TRIO: variants seen among roughly 807,000 people sequenced by gnomAD.
TRIO encodes triple functional domain protein.
In TRIO, 58 loss-of-function variants were observed where a neutral mutation model predicts 351.9. That is an observed-to-expected ratio of 0.16 (90% CI 0.13 to 0.21). The LOEUF (loss-of-function observed/expected upper bound fraction) is 0.21, where lower values mean the gene tolerates loss of function less well. Among genes scored for constraint, TRIO ranks in the 10% least tolerant of loss-of-function variants. TRIO has a pLI of 1.00. For missense variants in TRIO, 3,201 were observed against 4,027.8 expected (o/e 0.79, Z 5.56); for synonymous variants, 1,758 against 1,595.7 (o/e 1.10, Z -2.42).
intron 9 of TRIO, among the ~76,000 whole-genome samples, chr5:14,330,417 C>G (rs1211220383): frequency 6.6e-6 from 1 of 152,202 alleles, no homozygotes; most frequent in Non-Finnish European, 1.5e-5. Flanking sequence ...TAAATTGGCC[C>G]TGTGTGACTT....
chr5:14,316,825 C>A (rs1739420459), intron 9 of TRIO, 82 bp downstream of exon 9: 3 of 1,423,092 alleles, frequency 2.1e-6, no homozygotes, highest in South Asian at 2.6e-5. Context: ...TTGGGAAGAT[C>A]TGTGCTTAAG....
intron 9 of TRIO, among the ~76,000 whole-genome samples, chr5:14,321,362 C>G (rs2152309534): frequency 6.6e-6 from 1 of 152,354 alleles, no homozygotes; most frequent in South Asian, 2.1e-4. Flanking sequence ...ACGTGGCCCC[C>G]ACGATGAGGG....
chr5:14,223,070 A>C (rs1163249466), intron 1 of TRIO, among the ~76,000 whole-genome samples: 2 of 152,178 alleles, frequency 1.3e-5, no homozygotes, highest in Non-Finnish European at 2.9e-5. Flanking sequence ...TGCAGCTGAC[A>C]CAGAGGCAGG....
rs1341562189 is a variant in TRIO, at chr5:14,364,765, A to G, written c.2703A>G (p.Lys901=). ...ELDLAAEQHR[K]HLEQCVQLRH... ...ATTTAGCCGCAGAGCAGCATCGGAAACACCTGGAGCAGTGCGTGCAGCTGC... is the reference window on the plus strand; with the variant it reads ...ATTTAGCCGCAGAGCAGCATCGGAAGCACCTGGAGCAGTGCGTGCAGCTGC... The change falls in exon 15 of 57, where the codon AAA becomes AAG. Residue 901 remains lysine, a synonymous_variant. Transcript: ENST00000344204. 6.2e-7 allele frequency: 1 copy of G among 1,612,406 alleles called. No individual in the cohort carries two copies.
chr5:14,387,845 A>G lies in TRIO; in HGVS notation c.3879A>G (p.Lys1293=). 6.2e-7 allele frequency: 1 copy of G among 1,613,804 alleles called. No individual in the cohort carries two copies. The change falls in exon 23 of 57, where the codon AAA becomes AAG. Residue 1293 remains lysine (K), a splice_region_variant and synonymous_variant. Coordinates refer to ENST00000344204, the MANE Select transcript of TRIO (RefSeq NM_007118.4). ...AGAAGCGGAAATCTGCCCGCAGGAA[A>G]GAGTAAGCCAGTCTTTCAGAATCTA... ...NEEKRKSARR[K]EFIMAELIQT...
rs199516802 is a variant in TRIO at position 14,481,315 on chromosome 5, A to G, written c.6387+31A>G. 1.3e-3 allele frequency: 2,103 copies of G among 1,611,144 alleles called. 44 individuals carry two copies. The South Asian group carries it at 0.022, about 17-fold the overall frequency. On this transcript the variant is annotated intron_variant, in intron 44 of 56. Coordinates refer to ENST00000344204, the MANE Select transcript of TRIO (RefSeq NM_007118.4). ...TGCATCAGCGGCTGTGGGCACCCAAATCCCCACCAGCCTCTTTTCCTAATC... is the reference window on the plus strand; with the variant it reads ...TGCATCAGCGGCTGTGGGCACCCAAGTCCCCACCAGCCTCTTTTCCTAATC...
intron 10 of TRIO, among the ~76,000 whole-genome samples, chr5:14,332,620 A>G (rs893533388): frequency 1.3e-5 from 2 of 152,238 alleles, no homozygotes; most frequent in Non-Finnish European, 2.9e-5. Flanking sequence ...TTTGCTATCA[A>G]GCATTTTCTT....
At chr5:14,200,685 A>G (rs951682704) in intron 1 of TRIO, among the ~76,000 whole-genome samples, 8 of 152,348 alleles carry the variant, frequency 5.3e-5, no homozygotes, top group Non-Finnish European at 1.2e-4. Context: ...ATATAAGTGC[A>G]GTAAGGGAGG....
intron 2 of TRIO, among the ~76,000 whole-genome samples, chr5:14,271,671 G>T (rs747120034): frequency 6.6e-6 from 1 of 152,212 alleles, no homozygotes; most frequent in Non-Finnish European, 1.5e-5. Flanking sequence ...GCTCTATCAG[G>T]AAGTACATCT....
chr5:14,331,051 G>T (rs569597067), intron 10 of TRIO, 151 bp downstream of exon 10: 2 of 1,157,054 alleles, frequency 1.7e-6, no homozygotes, highest in African/African-American at 3.1e-5. Flanking sequence ...GAGTGAAGTT[G>T]TCATTGCCTA....
At position 14,488,266 on chromosome 5, in the gene TRIO, C is replaced by T. The variant is rs1257170370; in HGVS notation, c.7632+6C>T. The stretch of plus-strand genomic sequence containing the variant: ...AGTCCACCCAGAGCAACGGGGTAAG[C>T]GCGTCGGGGGGCCCGCGCCCTCCCG... On this transcript the variant is annotated splice_donor_region_variant and intron_variant, in intron 48 of 56. Coordinates refer to ENST00000344204, the MANE Select transcript of TRIO (RefSeq NM_007118.4). 15 of 1,553,920 alleles carry T rather than the reference C, an allele frequency of 9.7e-6. No individual in the cohort carries two copies. The highest frequency in any genetic ancestry group is 4.1e-5 in the African/African-American group (3 of 73,846).
intron 34 of TRIO, among the ~76,000 whole-genome samples, chr5:14,429,240 C>T (rs111625984): frequency 2.3e-3 from 355 of 152,300 alleles, no homozygotes; most frequent in Non-Finnish European, 4.4e-3. Context: ...TTTAGCAGCT[C>T]ATGGCTCTGA....
intron 7 of TRIO, among the ~76,000 whole-genome samples, chr5:14,298,274 G>A: frequency 6.6e-6 from 1 of 152,142 alleles, no homozygotes; most frequent in Non-Finnish European, 1.5e-5. Flanking sequence ...CAAACGCTCT[G>A]AAAGTAGCAA....
In TRIO at chr5:14,425,435, T is replaced by C. The variant is rs565810846; in HGVS notation, c.5203+5414T>C. Among the ~76,000 whole-genome samples, 10 of 152,372 alleles carry C rather than the reference T, an allele frequency of 6.6e-5. No individual in the cohort carries two copies. The South Asian group carries it at 8.3e-4, about 13-fold the overall frequency. ...CATCCCCTTGTATGCAGATGCCACA[T>C]TGAGTTCAACATTCATCTGCTGATG... On this transcript the variant is annotated intron_variant, in intron 34 of 56. Coordinates refer to ENST00000344204, the MANE Select transcript of TRIO (RefSeq NM_007118.4).
At chr5:14,241,386 AT>A in intron 1 of TRIO, among the ~76,000 whole-genome samples, 1 of 152,194 alleles carries the variant, frequency 6.6e-6, no homozygotes, top group Non-Finnish European at 1.5e-5. Flanking sequence ...TCTGTTAGTA[AT>A]TGTTTGGTAA....
intron 4 of TRIO, among the ~76,000 whole-genome samples, chr5:14,289,614 G>A (rs555185455): frequency 6.6e-6 from 1 of 152,214 alleles, no homozygotes; most frequent in East Asian, 1.9e-4. Context: ...TTGGGAGGCT[G>A]AAGTGGGTGG....
At position 14,461,055 on chromosome 5, in the gene TRIO, C is replaced by T; in HGVS notation, c.5240C>T (p.Pro1747Leu). ...GTCTCCAGCAATGACGCCAGTCCAC[C>T]CGCATCCGTGGCTTCCCTCCAGCCC... Reference protein sequence around the residue: ...LSVSSNDASPPASVASLQPHM... With the variant: ...LSVSSNDASPLASVASLQPHM... Residue 1747 changes from proline to leucine, a missense_variant, in exon 35 of 57, where the codon CCC (proline) becomes CTC (leucine). Around this residue, in one of 19 missense-constraint regions of TRIO, gnomAD observed 193 missense variants for 218.8 expected, o/e 0.88. Coordinates refer to ENST00000344204, the MANE Select transcript of TRIO (RefSeq NM_007118.4). 1 of 1,583,406 alleles carries T rather than the reference C, an allele frequency of 6.3e-7. No homozygotes were observed. Among genetic ancestry groups the T allele is most frequent in the Non-Finnish European group, 8.6e-7 (1 of 1,165,358 alleles).
intron 37 of TRIO, among the ~76,000 whole-genome samples, chr5:14,468,560 A>T (rs193205552): frequency 6.6e-6 from 1 of 152,248 alleles, no homozygotes; most frequent in African/African-American, 2.4e-5. Context: ...CAAGAGAAGC[A>T]TCACCCTGTG....
chr5:14,411,771 G>GTT (rs901253743), intron 33 of TRIO, among the ~76,000 whole-genome samples: 9 of 148,702 alleles, frequency 6.1e-5, no homozygotes, highest in African/African-American at 2.2e-4. Flanking sequence ...TGCCTGGCTA[G>GTT]TTTTTTTTTT....
Sources: allele counts gnomAD v4.1 joint callset (sites outside exome capture counted in the v4.1 genomes callset), GRCh38; gene constraint gnomAD v4.1.1; regional missense constraint gnomAD v4.1.1; transcripts MANE v1.5; gene names NCBI Gene and HGNC (gene_info 2026-07-23, HGNC 2026-07-21).